ARMH4: variants seen among roughly 807,000 people sequenced by gnomAD.
ARMH4 encodes the protein armadillo-like helical domain-containing protein 4.
A neutral mutation model predicts 61.9 loss-of-function variants in ARMH4; 49 were observed. The observed-to-expected ratio is 0.79, with a 90% CI of 0.63 to 1.00. The LOEUF (loss-of-function observed/expected upper bound fraction) is 1.00. Ranked by LOEUF, ARMH4 falls within the 50% of genes least tolerant of loss-of-function variation. The probability of loss-of-function intolerance (pLI) is 0.00; values close to 1 mark genes in which losing one functional copy is unlikely to be tolerated. For missense variants in ARMH4, 934 were observed against 930.0 expected (o/e 1.00, Z -0.06); for synonymous variants, 368 against 341.5 (o/e 1.08, Z -0.85).
intron 5 of ARMH4, among the ~76,000 whole-genome samples, chr14:58,068,701 T>G: frequency 6.6e-6 from 1 of 152,206 alleles, no homozygotes; most frequent in East Asian, 1.9e-4. Context: ...AGCTATCAAC[T>G]TTTACAGCTT....
intron 5 of ARMH4, 36 bp from the exon 6 acceptor site, chr14:58,012,186 A>G (rs371174030): frequency 3.5e-5 from 43 of 1,226,130 alleles, no homozygotes; most frequent in Non-Finnish European, 4.4e-5. Context: ...TGAAATAACC[A>G]TCTTTTACTT....
At chr14:58,141,035 G>T (rs1255154417) in intron 1 of ARMH4, among the ~76,000 whole-genome samples, 1 of 152,000 alleles carries the variant, frequency 6.6e-6, no homozygotes, top group African/African-American at 2.4e-5. Context: ...CTTGATCTTG[G>T]ACTTCCCAGT....
At chr14:58,121,954 C>T (rs1027438314) in intron 4 of ARMH4, among the ~76,000 whole-genome samples, 6 of 152,084 alleles carry the variant, frequency 3.9e-5, no homozygotes, top group African/African-American at 1.4e-4. Context: ...GGAGAAAGAC[C>T]CAGCATTGAG....
chr14:58,138,000 A>G lies in ARMH4; in HGVS notation c.1359T>C (p.Asn453=). The part of the protein sequence containing the change: ...YESEADQLLG[N]TMKDIITQEM... ...TTTTCTTTCTTTTACCTTTCATTGT[A>G]TTTCCCAACAGTTGGTCTGCCTCAG... The change falls in exon 2 of 8, where the codon AAT becomes AAC. Residue 453 remains asparagine, a synonymous_variant. Transcript: ENST00000267485. The G allele has an allele frequency of 6.2e-7, 1 of 1,602,602 alleles. No homozygotes were observed. Among genetic ancestry groups the G allele is most frequent in the Non-Finnish European group, 8.5e-7 (1 of 1,171,484 alleles).
At chr14:58,120,478 CT>C (rs926003791) in intron 4 of ARMH4, among the ~76,000 whole-genome samples, 5 of 151,946 alleles carry the variant, frequency 3.3e-5, no homozygotes, top group African/African-American at 1.2e-4. Flanking sequence ...ACTTAGAGTC[CT>C]TTTTTTGTGA....
chr14:58,045,957 A>G (rs1230596984), intron 5 of ARMH4, among the ~76,000 whole-genome samples: 2 of 152,186 alleles, frequency 1.3e-5, no homozygotes, highest in African/African-American at 2.4e-5. Flanking sequence ...ACAGCCAGAA[A>G]TTAGGAAGGA....
chr14:58,005,758 G>A (rs772865908), intron 6 of ARMH4, among the ~76,000 whole-genome samples: 1 of 152,188 alleles, frequency 6.6e-6, no homozygotes, highest in African/African-American at 2.4e-5. Context: ...GAAAAAAAAG[G>A]CCTGCAAAGG....
intron 4 of ARMH4, among the ~76,000 whole-genome samples, chr14:58,119,504 T>C (rs1392979596): frequency 6.6e-6 from 1 of 152,198 alleles, no homozygotes; most frequent in South Asian, 2.1e-4. Context: ...CACTCACATA[T>C]AGTTCCAAGC....
chr14:58,041,507 C>T (rs929353393), intron 5 of ARMH4, among the ~76,000 whole-genome samples: 1 of 152,150 alleles, frequency 6.6e-6, no homozygotes, highest in Non-Finnish European at 1.5e-5. Flanking sequence ...ATTGTAAAGA[C>T]CATCGATGCT....
In ARMH4 at chr14:58,002,386, T is replaced by C. The variant is rs995998116; in HGVS notation, c.*2350A>G. Reference sequence around the variant, plus strand: ...ATCTTTTCCTTTAAGAAATCATGTGTCCCAAAAAGGACCACAGAGATACTG... The same window carrying C: ...ATCTTTTCCTTTAAGAAATCATGTGCCCCAAAAAGGACCACAGAGATACTG... On this transcript the variant is annotated 3_prime_UTR_variant, in exon 8 of 8. Coordinates refer to ENST00000267485, the MANE Select transcript of ARMH4 (RefSeq NM_001001872.4). 1 of 152,148 alleles carries C rather than the reference T, an allele frequency of 6.6e-6. No homozygotes were observed. Among genetic ancestry groups the C allele is most frequent in the Admixed American group, 6.5e-5 (1 of 15,270 alleles). The allele number at this position is 152,148 out of a possible 1,614,324, so 9.4% of individuals were successfully genotyped here.
At chr14:58,018,112 C>T (rs1000870933) in intron 5 of ARMH4, among the ~76,000 whole-genome samples, 1 of 152,092 alleles carries the variant, frequency 6.6e-6, no homozygotes, top group South Asian at 2.1e-4. Context: ...ACACCATATA[C>T]AAAAATCATC....
At chr14:58,073,568 C>T (rs577710073) in intron 5 of ARMH4, among the ~76,000 whole-genome samples, 51 of 152,236 alleles carry the variant, frequency 3.4e-4, no homozygotes, top group African/African-American at 1.2e-3. Context: ...CTCACTTAAT[C>T]AGAAAGGATG....
chr14:58,051,043 G>T (rs1261918986), intron 5 of ARMH4, among the ~76,000 whole-genome samples: 1 of 151,378 alleles, frequency 6.6e-6, no homozygotes, highest in African/African-American at 2.4e-5. Context: ...GTAATGTCAG[G>T]TGATAACTTT....
chr14:58,147,318 T>TA (rs1887767357), intron 1 of ARMH4, among the ~76,000 whole-genome samples: 3 of 34,280 alleles, frequency 8.8e-5, no homozygotes, highest in African/African-American at 2.8e-4. Flanking sequence ...TCCAGATGGT[T>TA]TTTTTTTTTT....
Position 58,138,642 on chromosome 14 carries a change from A to C in ARMH4, c.717T>G (p.Ala239=). ...TDHRTTSFPG[A]ESTAGSEPGS... ...CAGGCTCACTGCCTGCTGTGGACTCAGCACCAGGAAAAGAAGTTGTCCTGT... is the reference window on the plus strand; with the variant it reads ...CAGGCTCACTGCCTGCTGTGGACTCCGCACCAGGAAAAGAAGTTGTCCTGT... Residue 239 remains alanine (A), a synonymous_variant, in exon 2 of 8, where the codon GCT becomes GCG. Transcript: ENST00000267485. The C allele has an allele frequency of 6.2e-7, 1 of 1,614,198 alleles. No homozygotes were observed.
At chr14:58,080,716 C>T (rs1885194348) in intron 5 of ARMH4, among the ~76,000 whole-genome samples, 2 of 151,914 alleles carry the variant, frequency 1.3e-5, no homozygotes, top group Admixed American at 1.3e-4. Flanking sequence ...TGTTATATGG[C>T]TATATTGTGT....
At chr14:58,146,640 T>C (rs1008823768) in intron 1 of ARMH4, among the ~76,000 whole-genome samples, 3 of 152,230 alleles carry the variant, frequency 2.0e-5, no homozygotes, top group Admixed American at 2.0e-4. Flanking sequence ...GTCCAGAATC[T>C]GTTTCTTTGT....
intron 1 of ARMH4, among the ~76,000 whole-genome samples, chr14:58,144,455 GA>G (rs1887667018): frequency 6.6e-6 from 1 of 152,148 alleles, no homozygotes; most frequent in Non-Finnish European, 1.5e-5. Flanking sequence ...TGAGGTGGGA[GA>G]ATCACTTGAG....
intron 1 of ARMH4, among the ~76,000 whole-genome samples, chr14:58,140,701 G>A (rs1887514749): frequency 6.6e-6 from 1 of 152,034 alleles, no homozygotes. Flanking sequence ...AGGAGTTCAA[G>A]ACCAGCCTGG....
Sources: allele counts gnomAD v4.1 joint callset (sites outside exome capture counted in the v4.1 genomes callset), GRCh38; gene constraint gnomAD v4.1.1; transcripts MANE v1.5; gene names NCBI Gene and HGNC (gene_info 2026-07-23, HGNC 2026-07-21).